Variants in NRIP1 observed in about 807,000 individuals in gnomAD.
NRIP1 encodes nuclear receptor-interacting protein 1.
NRIP1 carries 28 observed loss-of-function variants against 75.0 expected under a neutral mutation model. The ratio of observed to expected loss-of-function variants is 0.37; its 90% CI spans 0.28 to 0.51. The LOEUF is 0.51. Among genes scored for constraint, NRIP1 ranks in the 20% least tolerant of loss-of-function variants. The pLI is 0.92. For missense variants in NRIP1, 1,435 were observed against 1,343.7 expected, an observed-to-expected ratio of 1.07 and a Z score of -1.06; for synonymous variants, 526 against 487.6, an observed-to-expected ratio of 1.08 and a Z score of -1.04.
In NRIP1 at chr21:14,968,363, G is replaced by A. The variant is rs1288699203; in HGVS notation, c.-171C>T. Reference sequence around the variant, plus strand: ...CCAAGATTTCTTCTGGCAATGACAAGATAAATGCAGTCTGACCACAGTGCT... The same window carrying A: ...CCAAGATTTCTTCTGGCAATGACAAAATAAATGCAGTCTGACCACAGTGCT... On this transcript the variant is annotated 5_prime_UTR_variant, in exon 4 of 4. Transcript: ENST00000318948. The A allele has an allele frequency of 1.6e-6, 1 of 609,034 alleles. No individual in the cohort carries two copies. The highest frequency in any genetic ancestry group is 2.8e-5 in the East Asian group (1 of 35,838). The allele number at this position is 609,034 out of a possible 1,614,324, so 37.7% of individuals were successfully genotyped here. A position where few individuals can be genotyped will look rare whatever the true frequency, so the allele number is the denominator to read the frequency against.
chr21:15,047,217 C>A (rs936913446), intron 1 of NRIP1, among the ~76,000 whole-genome samples: 1 of 152,070 alleles, frequency 6.6e-6, no homozygotes, highest in African/African-American at 2.4e-5. Flanking sequence ...GGAAGAAGTG[C>A]CAAGCAAAGT....
intron 2 of NRIP1, among the ~76,000 whole-genome samples, chr21:15,016,650 C>T (rs1376324187): frequency 6.6e-6 from 1 of 151,996 alleles, no homozygotes; most frequent in Non-Finnish European, 1.5e-5. Context: ...TTTGGGAAGC[C>T]GAAATGGGCA....
intron 3 of NRIP1, among the ~76,000 whole-genome samples, chr21:14,982,367 T>TA (rs1268025539): frequency 6.6e-6 from 1 of 152,186 alleles, no homozygotes; most frequent in African/African-American, 2.4e-5. Context: ...ACCTTCTGCT[T>TA]AGTGCCCTTC....
At chr21:14,988,656 C>T (rs1260615590) in intron 3 of NRIP1, among the ~76,000 whole-genome samples, 2 of 151,992 alleles carry the variant, frequency 1.3e-5, no homozygotes, top group African/African-American at 2.4e-5. Flanking sequence ...ATTTCATATA[C>T]AAAAGATGCA....
chr21:15,006,426 T>A (rs1231176744), intron 3 of NRIP1, among the ~76,000 whole-genome samples: 1 of 152,114 alleles, frequency 6.6e-6, no homozygotes, highest in Non-Finnish European at 1.5e-5. Context: ...AAAAGGTGAA[T>A]AAAATAGTCC....
chr21:15,053,885 A>G (rs928585917), intron 1 of NRIP1, among the ~76,000 whole-genome samples: 7 of 152,360 alleles, frequency 4.6e-5, no homozygotes, highest in Middle Eastern at 3.4e-3. Flanking sequence ...AAACTAGGTT[A>G]AAGTTATTTT....
rs201928778 is a variant in NRIP1 at position 14,966,956 on chromosome 21, T to C, written c.1237A>G (p.Thr413Ala). Residue 413 changes from threonine to alanine, a missense_variant, in exon 4 of 4, where the codon ACT becomes GCT. Coordinates refer to ENST00000318948, the MANE Select transcript of NRIP1 (RefSeq NM_003489.4). Reference sequence around the variant, plus strand: ...TTGTTATCTGAATATTCATCAATAGTTGTAGGTGTACTACTTTCCTCAAAA... The same window carrying C: ...TTGTTATCTGAATATTCATCAATAGCTGTAGGTGTACTACTTTCCTCAAAA... ...SIFEESSTPT[T>A]IDEYSDNNPS... 8 of 1,614,186 alleles carry C rather than the reference T, an allele frequency of 5.0e-6. No individual in the cohort carries two copies. The highest frequency in any genetic ancestry group is 6.8e-6 in the Non-Finnish European group (8 of 1,180,010).
At chr21:15,021,129 A>G (rs947534698) in intron 2 of NRIP1, among the ~76,000 whole-genome samples, 1 of 152,212 alleles carries the variant, frequency 6.6e-6, no homozygotes, top group African/African-American at 2.4e-5. Flanking sequence ...TATCAGCATC[A>G]ATCATAATAA....
intron 3 of NRIP1, among the ~76,000 whole-genome samples, chr21:15,008,673 G>T (rs2823006): frequency 2.0e-5 from 3 of 151,958 alleles, no homozygotes; most frequent in Admixed American, 1.3e-4. Flanking sequence ...ACAAAAGCAA[G>T]GTTAACATTA....
chr21:15,022,106 G>A (rs1489512945), intron 2 of NRIP1, among the ~76,000 whole-genome samples: 1 of 152,184 alleles, frequency 6.6e-6, no homozygotes, highest in Non-Finnish European at 1.5e-5. Flanking sequence ...GTTCACTGCA[G>A]CACTATTCAC....
intron 3 of NRIP1, among the ~76,000 whole-genome samples, chr21:14,990,373 C>T (rs1057231545): frequency 7.0e-6 from 1 of 142,882 alleles, no homozygotes; most frequent in Non-Finnish European, 1.5e-5. Context: ...TAGGGAGGGC[C>T]GGGGTGGGTT....
At chr21:15,044,515 C>A (rs1457351076) in intron 1 of NRIP1, among the ~76,000 whole-genome samples, 2 of 151,884 alleles carry the variant, frequency 1.3e-5, no homozygotes, top group Non-Finnish European at 2.9e-5. Context: ...ACCATGCGAA[C>A]TCCCTGATAC....
At chr21:14,988,654 T>C (rs952039545) in intron 3 of NRIP1, among the ~76,000 whole-genome samples, 1 of 152,150 alleles carries the variant, frequency 6.6e-6, no homozygotes, top group Admixed American at 6.6e-5. Flanking sequence ...TAATTTCATA[T>C]ACAAAAGATG....
At chr21:15,029,945 C>CA (rs2088606626) in intron 2 of NRIP1, among the ~76,000 whole-genome samples, 2 of 152,196 alleles carry the variant, frequency 1.3e-5, no homozygotes, top group African/African-American at 4.8e-5. Flanking sequence ...GTGACCTCCT[C>CA]AAAAACACAC....
intron 3 of NRIP1, among the ~76,000 whole-genome samples, chr21:14,996,342 T>C (rs1439785886): frequency 1.3e-5 from 2 of 152,136 alleles, no homozygotes; most frequent in African/African-American, 4.8e-5. Context: ...CACAGACTTC[T>C]CTGGATCCCA....
intron 1 of NRIP1, among the ~76,000 whole-genome samples, chr21:15,058,944 G>A (rs1568739149): frequency 1.3e-5 from 2 of 152,166 alleles, no homozygotes; most frequent in Non-Finnish European, 2.9e-5. Flanking sequence ...AATGAAAGCA[G>A]ACTCTAAACA....
Position 15,004,636 on chromosome 21 carries a change from T to C in NRIP1, c.-335+9708A>G, listed in dbSNP as rs1000199469. On this transcript the variant is annotated intron_variant, in intron 3 of 3. Transcript: ENST00000318948. The stretch of plus-strand genomic sequence containing the variant: ...GGCTACCGAGTGTTCATGGACATGG[T>C]TTCATTGTGCCTTAAAATGTCATGC... Among the ~76,000 whole-genome samples, 10 of 152,378 alleles carry C rather than the reference T, an allele frequency of 6.6e-5. No homozygotes were observed. The South Asian group carries it at 2.1e-3, about 32-fold the overall frequency.
chr21:15,007,860 T>C lies in NRIP1; in HGVS notation c.-335+6484A>G, dbSNP rs556782755. On this transcript the variant is annotated intron_variant, in intron 3 of 3. Transcript: ENST00000318948. ...CAACATTCTATCAGCTTCATGTTTTTAGATGATCACTCATAATGATATCAA... is the reference window on the plus strand; with the variant it reads ...CAACATTCTATCAGCTTCATGTTTTCAGATGATCACTCATAATGATATCAA... 3.3e-5 allele frequency among the ~76,000 whole-genome samples: 5 copies of C among 152,376 alleles called. No individual in the cohort carries two copies. The East Asian group carries it at 9.6e-4, about 29-fold the overall frequency.
chr21:15,047,709 G>T (rs1600925169), intron 1 of NRIP1, among the ~76,000 whole-genome samples: 4 of 152,214 alleles, frequency 2.6e-5, no homozygotes, highest in Admixed American at 2.6e-4. Flanking sequence ...ATGAGATTTG[G>T]GTGGAGACAC....
Sources: gnomAD v4.1 joint callset for allele counts (sites outside exome capture counted in the v4.1 genomes callset) on GRCh38, gnomAD v4.1.1 for gene constraint, MANE v1.5 for transcripts, NCBI Gene and HGNC (gene_info 2026-07-23, HGNC 2026-07-21) for gene names.